NDFIP2: variants seen among roughly 807,000 people sequenced by gnomAD.
NDFIP2 encodes NEDD4 family-interacting protein 2.
NDFIP2 carries 19 observed loss-of-function variants against 36.0 expected under a neutral mutation model. The observed-to-expected ratio is 0.53, with a 90% CI of 0.37 to 0.77. NDFIP2 has a LOEUF of 0.77. Ranked by LOEUF, NDFIP2 falls within the 30% of genes least tolerant of loss-of-function variation. The pLI, the probability that NDFIP2 is intolerant of heterozygous loss-of-function variation, is 0.00. For missense variants in NDFIP2, 446 were observed against 435.8 expected (o/e 1.02, Z -0.21); for synonymous variants, 181 against 167.7 (o/e 1.08, Z -0.61).
At chr13:79,514,548 A>G (rs17071532) in intron 1 of NDFIP2, among the ~76,000 whole-genome samples, 10,211 of 152,240 alleles carry the variant, frequency 0.067, 725 homozygotes, top group African/African-American at 0.18. Context: ...GTTCTAATCT[A>G]CATTTGGGAG....
intron 1 of NDFIP2, among the ~76,000 whole-genome samples, chr13:79,504,060 T>C (rs536688435): frequency 6.6e-6 from 1 of 152,274 alleles, no homozygotes; most frequent in East Asian, 1.9e-4. Flanking sequence ...TTTTATAAAA[T>C]GGCTGAAGGT....
intron 4 of NDFIP2, among the ~76,000 whole-genome samples, chr13:79,542,630 C>T (rs950341838): frequency 6.6e-5 from 10 of 151,842 alleles, no homozygotes; most frequent in Admixed American, 2.0e-4. Flanking sequence ...GAGCACCTAC[C>T]ATATACAAGT....
At chr13:79,540,133 G>A (rs1486695627) in intron 4 of NDFIP2, among the ~76,000 whole-genome samples, 1 of 152,074 alleles carries the variant, frequency 6.6e-6, no homozygotes, top group Non-Finnish European at 1.5e-5. Context: ...TGCACTATTG[G>A]GGCAGAGGAT....
intron 2 of NDFIP2, among the ~76,000 whole-genome samples, chr13:79,525,780 T>C (rs1375105387): frequency 1.3e-5 from 2 of 152,232 alleles, no homozygotes; most frequent in Non-Finnish European, 2.9e-5. Flanking sequence ...TTCTATTGAA[T>C]ATTTCTAGAT....
At chr13:79,530,202 T>G (rs778008410) in intron 2 of NDFIP2, among the ~76,000 whole-genome samples, 16 of 152,120 alleles carry the variant, frequency 1.1e-4, no homozygotes, top group Non-Finnish European at 1.9e-4. Flanking sequence ...TAGCTCACTG[T>G]AGTCTTGGAT....
chr13:79,547,077 A>T (rs1044592528), intron 5 of NDFIP2, among the ~76,000 whole-genome samples: 1 of 151,970 alleles, frequency 6.6e-6, no homozygotes, highest in African/African-American at 2.4e-5. Flanking sequence ...TTAAAATATG[A>T]AATTACTATA....
At chr13:79,497,822 G>GTA (rs1873503816) in intron 1 of NDFIP2, among the ~76,000 whole-genome samples, 3 of 151,076 alleles carry the variant, frequency 2.0e-5, no homozygotes, top group African/African-American at 7.3e-5. Flanking sequence ...GTGTGTGTGT[G>GTA]TGTGTGTATG....
chr13:79,513,586 G>C (rs1874157467), intron 1 of NDFIP2, among the ~76,000 whole-genome samples: 1 of 152,170 alleles, frequency 6.6e-6, no homozygotes, highest in Non-Finnish European at 1.5e-5. Flanking sequence ...AAGACTTTGA[G>C]AGGGTGAGTG....
intron 2 of NDFIP2, among the ~76,000 whole-genome samples, chr13:79,527,637 A>T (rs1328640793): frequency 6.6e-6 from 1 of 152,216 alleles, no homozygotes; most frequent in East Asian, 1.9e-4. Context: ...TCGGTTGTGT[A>T]CAAGTCTAAC....
chr13:79,482,161 CTTTCTTTCTTTTT>C (rs2079817893), intron 1 of NDFIP2, among the ~76,000 whole-genome samples: 1 of 65,936 alleles, frequency 1.5e-5, no homozygotes, highest in Admixed American at 1.4e-4. Flanking sequence ...TTCTTTCTTT[CTTTCTTTCTTTTT>C]TTTTTTTTTT....
At chr13:79,544,150 C>T (rs757968792) in intron 5 of NDFIP2, among the ~76,000 whole-genome samples, 6 of 152,236 alleles carry the variant, frequency 3.9e-5, no homozygotes, top group Non-Finnish European at 7.4e-5. Flanking sequence ...AAAAATTTCT[C>T]GTTTAGTCAC....
chr13:79,481,741 T>A (rs1392717453), intron 1 of NDFIP2, among the ~76,000 whole-genome samples: 1 of 152,174 alleles, frequency 6.6e-6, no homozygotes, highest in Admixed American at 6.5e-5. Context: ...GCCCCAAGTC[T>A]GCTTAGCTCC....
At chr13:79,537,954 A>G (rs1010242684) in intron 3 of NDFIP2, among the ~76,000 whole-genome samples, 3 of 148,458 alleles carry the variant, frequency 2.0e-5, no homozygotes, top group Non-Finnish European at 4.5e-5. Flanking sequence ...GAAGCATAGC[A>G]GCTTCTGGGG....
Position 79,554,152 on chromosome 13 carries a change from A to G in NDFIP2, c.*1639A>G, listed in dbSNP as rs1354945619. ...TCCTGCGTAGAATTTTTATTGTTAT[A>G]TTAAAATTTTTATTGTTGTATTAAA... On this transcript the variant is annotated 3_prime_UTR_variant, in exon 8 of 8. Transcript: ENST00000218652. 20 of 151,482 alleles carry G rather than the reference A, an allele frequency of 1.3e-4. 1 individual carries two copies. The highest frequency in any genetic ancestry group is 1.3e-3 in the Admixed American group (20 of 15,174). The allele number at this position is 151,482 out of a possible 1,614,324, so 9.4% of individuals were successfully genotyped here.
At chr13:79,531,687 C>T (rs1594855156) in intron 2 of NDFIP2, among the ~76,000 whole-genome samples, 1 of 152,212 alleles carries the variant, frequency 6.6e-6, no homozygotes, top group Non-Finnish European at 1.5e-5. Flanking sequence ...CTTTACCTTC[C>T]TCACTTCTCT....
At chr13:79,529,934 A>C (rs193003362) in intron 2 of NDFIP2, among the ~76,000 whole-genome samples, 1 of 152,284 alleles carries the variant, frequency 6.6e-6, no homozygotes, top group Admixed American at 6.5e-5. Context: ...GTGCATACAA[A>C]AGTTATGTTT....
At chr13:79,545,822 C>T (rs1468084147) in intron 5 of NDFIP2, among the ~76,000 whole-genome samples, 4 of 152,104 alleles carry the variant, frequency 2.6e-5, no homozygotes, top group South Asian at 2.1e-4. Context: ...CTGCAACCTC[C>T]GCCTCCCGGG....
At chr13:79,508,822 A>G (rs905414062) in intron 1 of NDFIP2, among the ~76,000 whole-genome samples, 10 of 152,218 alleles carry the variant, frequency 6.6e-5, no homozygotes, top group Admixed American at 2.6e-4. Flanking sequence ...TGGTTCAAAC[A>G]TCTCTGACAG....
At chr13:79,498,478 G>A (rs1873533815) in intron 1 of NDFIP2, among the ~76,000 whole-genome samples, 1 of 151,934 alleles carries the variant, frequency 6.6e-6, no homozygotes, top group Non-Finnish European at 1.5e-5. Flanking sequence ...GTCTGATTTT[G>A]TGCTGCCATA....
Sources: allele counts gnomAD v4.1 joint callset (sites outside exome capture counted in the v4.1 genomes callset), GRCh38; gene constraint gnomAD v4.1.1; transcripts MANE v1.5; gene names NCBI Gene and HGNC (gene_info 2026-07-23, HGNC 2026-07-21).